Variants in SCG2 observed in about 807,000 individuals in gnomAD.
SCG2 encodes the protein secretogranin-2.
SCG2 carries 23 observed loss-of-function variants against 49.5 expected under a neutral mutation model. The observed-to-expected ratio is 0.46, with a 90% CI of 0.33 to 0.66. The LOEUF is 0.66. SCG2 is among the 30% of genes least tolerant of loss of function. The pLI is 0.01. For missense variants in SCG2, 730 were observed against 728.2 expected (o/e 1.00, Z -0.03); for synonymous variants, 288 against 260.4 (o/e 1.11, Z -1.02).
chr2:223,599,729 T>C (rs1691361015), intron 1 of SCG2, among the ~76,000 whole-genome samples: 1 of 152,234 alleles, frequency 6.6e-6, no homozygotes, highest in African/African-American at 2.4e-5. Flanking sequence ...AAAACATGCA[T>C]TTACACATAC....
rs1691313565 is a variant in SCG2 at position 223,597,465 on chromosome 2, C to T, written c.1818G>A (p.Arg606=). 6.2e-7 allele frequency: 1 copy of T among 1,611,908 alleles called. No homozygotes were observed. The highest frequency in any genetic ancestry group is 8.5e-7 in the Non-Finnish European group (1 of 1,179,054). The stretch of plus-strand genomic sequence containing the variant: ...CCATTGCTCTCTTAGCAATATGCTC[C>T]CTTCCCTTTTCTGCCTTTTCTTGGT... The part of the protein sequence containing the change: ...YLNQEKAEKG[R]EHIAKRAMEN... Residue 606 remains arginine, a synonymous_variant, in exon 2 of 2, where the codon AGG becomes AGA. Transcript: ENST00000305409.
chr2:223,600,508 T>C (rs1303049028), intron 1 of SCG2, among the ~76,000 whole-genome samples: 2 of 152,160 alleles, frequency 1.3e-5, no homozygotes, highest in Non-Finnish European at 2.9e-5. Flanking sequence ...ATTTTAATAT[T>C]GGCTATTTTG....
Position 223,597,555 on chromosome 2 carries a change from A to ATTT in SCG2, c.1727_1728insAAA (p.Lys575dup). 6.2e-7 allele frequency: 1 copy of ATTT among 1,614,090 alleles called. No individual in the cohort carries two copies. Among genetic ancestry groups the ATTT allele is most frequent in the Non-Finnish European group, 8.5e-7 (1 of 1,180,012 alleles). On this transcript the variant is annotated inframe_insertion, in exon 2 of 2. Coordinates refer to ENST00000305409, the MANE Select transcript of SCG2 (RefSeq NM_003469.5). ...AGTACTGCCTATTTGGGGTATCATC[A>ATTT]TTCTTCGGGGGCCCCACAGGGAACC... is the stretch of plus-strand genomic sequence containing the variant.
intron 1 of SCG2, 47 bp downstream of exon 1, chr2:223,602,238 A>G (rs1691401661): frequency 6.6e-6 from 1 of 152,234 alleles, no homozygotes; most frequent in Admixed American, 6.5e-5. Flanking sequence ...AAAGAAGAGC[A>G]TGCAATTTGG....
chr2:223,596,967 A>G lies in SCG2; in HGVS notation c.*462T>C, dbSNP rs1691305108. 2 of 152,798 alleles carry G rather than the reference A, an allele frequency of 1.3e-5. No individual in the cohort carries two copies. Among genetic ancestry groups the G allele is most frequent in the African/African-American group, 2.4e-5 (1 of 41,472 alleles). The allele number at this position is 152,798 out of a possible 1,614,324, so 9.5% of individuals were successfully genotyped here. A position where few individuals can be genotyped will look rare whatever the true frequency, so the allele number is the denominator to read the frequency against. On this transcript the variant is annotated 3_prime_UTR_variant, in exon 2 of 2. Coordinates refer to ENST00000305409, the MANE Select transcript of SCG2 (RefSeq NM_003469.5). ...GTCCAGAAATAACATTTATTAATCA[A>G]CAGTAAAACACACAATAGAAAAGGC...
chr2:223,597,244 T>A lies in SCG2; in HGVS notation c.*185A>T, dbSNP rs562804591. The A allele has an allele frequency of 8.3e-6, 5 of 602,104 alleles. No individual in the cohort carries two copies. The Admixed American group carries it at 1.8e-4, about 21-fold the overall frequency. The allele number at this position is 602,104 out of a possible 1,614,324, so 37.3% of individuals were successfully genotyped here. On this transcript the variant is annotated 3_prime_UTR_variant, in exon 2 of 2. Coordinates refer to ENST00000305409, the MANE Select transcript of SCG2 (RefSeq NM_003469.5). The stretch of plus-strand genomic sequence containing the variant: ...ATCAAGGAGTCATAACATTTACACA[T>A]ATCCATACACAAGATAACAGCTCAG...
intron 1 of SCG2, among the ~76,000 whole-genome samples, chr2:223,600,976 A>G (rs1168930154): frequency 6.6e-6 from 1 of 152,176 alleles, no homozygotes; most frequent in Non-Finnish European, 1.5e-5. Flanking sequence ...CATTTGAAAT[A>G]ATAATCTTAA....
In SCG2 at chr2:223,597,809, T is replaced by C; in HGVS notation, c.1474A>G (p.Met492Val). ...AWIPHVENRQ[M>V]AYENLNDKDQ... ...TTGTCGTTCAGGTTTTCATATGCCATCTGTCTGTTTTCAACATGTGGAATC... is the reference window on the plus strand; with the variant it reads ...TTGTCGTTCAGGTTTTCATATGCCACCTGTCTGTTTTCAACATGTGGAATC... Residue 492 changes from methionine (M) to valine (V), a missense_variant, in exon 2 of 2, where the codon ATG becomes GTG. By Grantham distance (21) the Met-to-Val change is conservative (BLOSUM62 1). Transcript: ENST00000305409. The C allele has an allele frequency of 1.2e-6, 2 of 1,614,204 alleles. No individual in the cohort carries two copies. The highest frequency in any genetic ancestry group is 2.2e-5 in the East Asian group (1 of 44,880).
rs1311742046 is a variant in SCG2 at position 223,597,591 on chromosome 2, CG to C, written c.1691del (p.Pro564ArgfsTer2). Reference protein sequence around the residue: ...GSSQETDKLAPVSKRFPVGPP... With the variant: ...GSSQETDKLAXVSKRFPVGPP... ...GCCCCACAGGGAACCTTTTGCTCACCGGGGCCAGCTTGTCAGTCTCCTGAGA... is the reference window on the plus strand; with the variant it reads ...GCCCCACAGGGAACCTTTTGCTCACCGGGCCAGCTTGTCAGTCTCCTGAGA... On this transcript the variant is annotated frameshift_variant, in exon 2 of 2. Coordinates refer to ENST00000305409, the MANE Select transcript of SCG2 (RefSeq NM_003469.5). LOFTEE classifies it high-confidence loss of function. The C allele has an allele frequency of 6.2e-7, 1 of 1,613,954 alleles. No individual in the cohort carries two copies. Among genetic ancestry groups the C allele is most frequent in the Non-Finnish European group, 8.5e-7 (1 of 1,180,010 alleles).
Position 223,598,073 on chromosome 2 carries a change from G to T in SCG2, c.1210C>A (p.Leu404Met). Residue 404 changes from leucine (L) to methionine (M), a missense_variant, in exon 2 of 2, where the codon CTG (leucine) becomes ATG (methionine). Physicochemically the swap from Leu to Met is conservative, Grantham distance 15 (BLOSUM62 2). Coordinates refer to ENST00000305409, the MANE Select transcript of SCG2 (RefSeq NM_003469.5). ...TTGGAGAGCATCCTATTTTGGAACA[G>T]GTCTGGATGGTCTAAGTCAGCCTCT... ...ISEADLDHPD[L>M]FQNRMLSKSG... 6.2e-7 allele frequency: 1 copy of T among 1,604,706 alleles called. No individual in the cohort carries two copies. The highest frequency in any genetic ancestry group is 8.5e-7 in the Non-Finnish European group (1 of 1,175,478).
rs757338021 is a variant in SCG2, at chr2:223,598,186, A to G, written c.1097T>C (p.Ile366Thr). 9 of 1,614,012 alleles carry G rather than the reference A, an allele frequency of 5.6e-6. No homozygotes were observed. The Admixed American group carries it at 6.7e-5, about 12-fold the overall frequency. ...RNLQIPPEDL[I>T]EMLKTGEKPN... is the part of the protein sequence containing the mutation. ...CTTCTCCCCAGTTTTGAGCATCTCAATTAAGTCTTCTGGGGGTATCTGTAA... is the reference window on the plus strand; with the variant it reads ...CTTCTCCCCAGTTTTGAGCATCTCAGTTAAGTCTTCTGGGGGTATCTGTAA... Residue 366 changes from isoleucine to threonine, a missense_variant, in exon 2 of 2, where the codon ATT becomes ACT. Transcript: ENST00000305409.
intron 1 of SCG2, among the ~76,000 whole-genome samples, chr2:223,600,963 T>C (rs1257656065): frequency 6.6e-6 from 1 of 152,172 alleles, no homozygotes; most frequent in African/African-American, 2.4e-5. Flanking sequence ...CTTTCAACAT[T>C]GGCATTTGAA....
rs1691320358 is a variant in SCG2, at chr2:223,597,708, C to A, written c.1575G>T (p.Lys525Asn). ...YPEIINSNQV[K>N]RVPGQGSSED... ...CAGATGAGCCTTGACCAGGAACTCG[C>A]TTCACTTGGTTTGAATTAATGATCT... is the stretch of plus-strand genomic sequence containing the variant. The change falls in exon 2 of 2, where the codon AAG becomes AAT. Residue 525 changes from lysine to asparagine, a missense_variant. By Grantham distance (94) the Lys-to-Asn change is moderately conservative. Coordinates refer to ENST00000305409, the MANE Select transcript of SCG2 (RefSeq NM_003469.5). 3.1e-6 allele frequency: 5 copies of A among 1,614,154 alleles called. No individual in the cohort carries two copies. Among genetic ancestry groups the A allele is most frequent in the African/African-American group, 2.7e-5 (2 of 75,034 alleles).
chr2:223,598,425 C>T lies in SCG2; in HGVS notation c.858G>A (p.Gly286=), dbSNP rs753155634. Reference sequence around the variant, plus strand: ...GATCTTCTTCCTGGATGCCAAGCTGCCCTGAGCGTTTCATCTCATCGTTGA... The same window carrying T: ...GATCTTCTTCCTGGATGCCAAGCTGTCCTGAGCGTTTCATCTCATCGTTGA... The part of the protein sequence containing the change: ...EQINDEMKRS[G]QLGIQEEDLR... Residue 286 remains glycine, a synonymous_variant, in exon 2 of 2, where the codon GGG becomes GGA. Transcript: ENST00000305409. 6.2e-7 allele frequency: 1 copy of T among 1,614,066 alleles called. No individual in the cohort carries two copies. Among genetic ancestry groups the T allele is most frequent in the South Asian group, 1.1e-5 (1 of 91,084 alleles).
chr2:223,601,550 T>C (rs1260786006), intron 1 of SCG2, among the ~76,000 whole-genome samples: 1 of 152,112 alleles, frequency 6.6e-6, no homozygotes, highest in Non-Finnish European at 1.5e-5. Context: ...ACAATAACAA[T>C]TTACAAAGTT....
Position 223,597,614 on chromosome 2 carries a change from G to T in SCG2, c.1669C>A (p.Gln557Lys). The change falls in exon 2 of 2, where the codon CAG becomes AAG. Residue 557 changes from glutamine (Q) to lysine (K), a missense_variant. By Grantham distance (53) the Gln-to-Lys change is moderately conservative. Coordinates refer to ENST00000305409, the MANE Select transcript of SCG2 (RefSeq NM_003469.5). ...IKEHLNQGSS[Q>K]ETDKLAPVSK... ...ACCGGGGCCAGCTTGTCAGTCTCCT[G>T]AGAGCTGCCTTGATTCAAATGCTCT... 1 of 1,614,050 alleles carries T rather than the reference G, an allele frequency of 6.2e-7. No homozygotes were observed. Among genetic ancestry groups the T allele is most frequent in the Non-Finnish European group, 8.5e-7 (1 of 1,180,000 alleles).
In SCG2 at chr2:223,597,144, T is replaced by A; in HGVS notation, c.*285A>T. The A allele has an allele frequency of 3.7e-6, 1 of 267,288 alleles. No homozygotes were observed. The highest frequency in any genetic ancestry group is 7.0e-6 in the Non-Finnish European group (1 of 142,338). The allele number at this position is 267,288 out of a possible 1,614,324, so 16.6% of individuals were successfully genotyped here. ...TTTTATCATATGTGAGCATCAACAA[T>A]GCCACAGCCATTAGATATACTATTA... On this transcript the variant is annotated 3_prime_UTR_variant, in exon 2 of 2. Coordinates refer to ENST00000305409, the MANE Select transcript of SCG2 (RefSeq NM_003469.5).
At position 223,599,079 on chromosome 2, in the gene SCG2, T is replaced by C. The variant is rs1691350474; in HGVS notation, c.204A>G (p.Gln68=). The C allele has an allele frequency of 4.3e-6, 7 of 1,614,194 alleles. No individual in the cohort carries two copies. In the Admixed American group the frequency reaches 6.7e-5, roughly 15 times the overall value. Residue 68 remains glutamine (Q), a synonymous_variant, in exon 2 of 2, where the codon CAA becomes CAG. Coordinates refer to ENST00000305409, the MANE Select transcript of SCG2 (RefSeq NM_003469.5). ...CTGGGCTGCTTTCTTCCTTATGAGC[T>C]TGTTGTCGGAGGTTTTCTATGTACT... is the stretch of plus-strand genomic sequence containing the variant. The part of the protein sequence containing the change: ...ALEYIENLRQ[Q]AHKEESSPDY...
rs777727715 is a variant in SCG2, at chr2:223,597,576, G to A, written c.1707C>T (p.Phe569=). 3 of 1,614,114 alleles carry A rather than the reference G, an allele frequency of 1.9e-6. No individual in the cohort carries two copies. The highest frequency in any genetic ancestry group is 2.5e-6 in the Non-Finnish European group (3 of 1,180,022). Residue 569 remains phenylalanine (F), a synonymous_variant, in exon 2 of 2, where the codon TTC becomes TTT. Transcript: ENST00000305409. Reference sequence around the variant, plus strand: ...CATCATTCTTCGGGGGCCCCACAGGGAACCTTTTGCTCACCGGGGCCAGCT... The same window carrying A: ...CATCATTCTTCGGGGGCCCCACAGGAAACCTTTTGCTCACCGGGGCCAGCT... The part of the protein sequence containing the change: ...TDKLAPVSKR[F]PVGPPKNDDT...
Sources: allele counts gnomAD v4.1 joint callset (sites outside exome capture counted in the v4.1 genomes callset), GRCh38; gene constraint gnomAD v4.1.1; transcripts MANE v1.5; gene names NCBI Gene and HGNC (gene_info 2026-07-23, HGNC 2026-07-21).